The following PKIB variants were observed in gnomAD, a reference collection of about 807,000 sequenced individuals.
The protein encoded by PKIB is PKI-beta.
A neutral mutation model predicts 4.5 loss-of-function variants in PKIB; 2 were observed. The ratio of observed to expected loss-of-function variants is 0.44; its 90% confidence interval spans 0.18 to 1.39. The LOEUF (loss-of-function observed/expected upper bound fraction) is 1.39, where lower values mean the gene tolerates loss of function less well. Among genes scored for constraint, PKIB ranks in the 40% most tolerant of loss-of-function variants. The probability of loss-of-function intolerance (pLI) is 0.27; values close to 1 mark genes in which losing one functional copy is unlikely to be tolerated. For synonymous variants in PKIB, 38 were observed against 36.0 expected (o/e 1.06, Z -0.20); for missense variants, 94 against 92.6 (o/e 1.02, Z -0.06).
chr6:122,600,681 A>G (rs1055808354), intron 3 of PKIB, among the ~76,000 whole-genome samples: 1 of 152,244 alleles, frequency 6.6e-6, no homozygotes, highest in African/African-American at 2.4e-5. Context: ...TTCAGGTAAC[A>G]TAACTATGAC....
intron 2 of PKIB, among the ~76,000 whole-genome samples, chr6:122,520,396 G>C (rs772803225): frequency 1.8e-4 from 28 of 152,270 alleles, no homozygotes; most frequent in Admixed American, 1.3e-3. Flanking sequence ...CTGATGATCT[G>C]ACTTGATAAA....
chr6:122,560,102 G>T (rs1772970615), intron 2 of PKIB, among the ~76,000 whole-genome samples: 1 of 152,092 alleles, frequency 6.6e-6, no homozygotes, highest in African/African-American at 2.4e-5. Flanking sequence ...GCGAGACTGG[G>T]CATCCTTGTC....
chr6:122,661,090 C>T (rs959529771), intron 2 of PKIB, among the ~76,000 whole-genome samples: 1 of 152,046 alleles, frequency 6.6e-6, no homozygotes. Context: ...CAAAATGCTA[C>T]AAGAATAAAT....
chr6:122,566,484 A>C (rs1387672466), intron 2 of PKIB, among the ~76,000 whole-genome samples: 4 of 152,172 alleles, frequency 2.6e-5, no homozygotes, highest in Admixed American at 6.5e-5. Context: ...AATATTTTTG[A>C]ATGATCTTTA....
At chr6:122,621,518 G>A (rs1004717348) in intron 1 of PKIB, among the ~76,000 whole-genome samples, 4 of 152,118 alleles carry the variant, frequency 2.6e-5, no homozygotes, top group African/African-American at 9.7e-5. Context: ...TCTAATATCA[G>A]GAATGGTTTC....
At chr6:122,566,033 A>G (rs1387678656) in intron 2 of PKIB, among the ~76,000 whole-genome samples, 1 of 149,944 alleles carries the variant, frequency 6.7e-6, no homozygotes, top group Non-Finnish European at 1.5e-5. Flanking sequence ...ACAGTTTACT[A>G]CCCCCAATGG....
At chr6:122,652,334 G>GTGTGTGTGT (rs1264393970) in intron 2 of PKIB, among the ~76,000 whole-genome samples, 2 of 57,644 alleles carry the variant, frequency 3.5e-5, no homozygotes, top group South Asian at 1.2e-3. Flanking sequence ...GTGTGTGTGT[G>GTGTGTGTGT]GAGAGAGAGA....
intron 2 of PKIB, among the ~76,000 whole-genome samples, chr6:122,564,574 A>G (rs1194030846): frequency 6.6e-6 from 1 of 152,162 alleles, no homozygotes; most frequent in Admixed American, 6.5e-5. Flanking sequence ...AATTTAATAA[A>G]ATTTTCACAC....
chr6:122,703,922 G>GTATATATA (rs151131565), intron 3 of PKIB, among the ~76,000 whole-genome samples: 8 of 133,474 alleles, frequency 6.0e-5, no homozygotes, highest in East Asian at 2.2e-4. Context: ...ATATATGTGT[G>GTATATATA]TATATATATA....
chr6:122,507,028 AT>A (rs1776430559), intron 2 of PKIB, among the ~76,000 whole-genome samples: 1 of 151,960 alleles, frequency 6.6e-6, no homozygotes, highest in South Asian at 2.1e-4. Context: ...ATATTTTTAA[AT>A]TTTTTCACCA....
intron 3 of PKIB, among the ~76,000 whole-genome samples, chr6:122,690,617 T>A (rs983017533): frequency 1.3e-5 from 2 of 152,162 alleles, no homozygotes; most frequent in African/African-American, 4.8e-5. Flanking sequence ...TGTCTATGTC[T>A]TGAAAGGTTG....
rs546164394 is a variant in PKIB, at chr6:122,633,351, G to C, written c.-92G>C. On this transcript the variant is annotated 5_prime_UTR_variant, in exon 2 of 5. Transcript: ENST00000368452. ...GGAGAAGCAGAAAACCCTGTGCCAGGGACAGGAAAGATAGGAGTAAGTATA... is the reference window on the plus strand; with the variant it reads ...GGAGAAGCAGAAAACCCTGTGCCAGCGACAGGAAAGATAGGAGTAAGTATA... 6.6e-6 allele frequency: 1 copy of C among 152,058 alleles called. No individual in the cohort carries two copies. Among genetic ancestry groups the C allele is most frequent in the Non-Finnish European group, 1.5e-5 (1 of 68,006 alleles). The allele number at this position is 152,058 out of a possible 1,614,324, so 9.4% of individuals were successfully genotyped here. A position where few individuals can be genotyped will look rare whatever the true frequency, so the allele number is the denominator to read the frequency against.
chr6:122,547,056 A>G (rs1772518189), intron 2 of PKIB, among the ~76,000 whole-genome samples: 1 of 152,138 alleles, frequency 6.6e-6, no homozygotes, highest in Non-Finnish European at 1.5e-5. Flanking sequence ...TCAAGTTTAT[A>G]TAATGGATCT....
chr6:122,553,478 CTTCTTTTT>C lies in PKIB; in HGVS notation c.-247-32440_-247-32433del, dbSNP rs1174540206. Among the ~76,000 whole-genome samples, 4 of 48,918 alleles carry C rather than the reference CTTCTTTTT, an allele frequency of 8.2e-5. No homozygotes were observed. In the East Asian group the frequency reaches 1.5e-3, roughly 18 times the overall value. The allele number at this position is 48,918 out of a possible 152,430, so 32.1% of individuals were successfully genotyped here. On this transcript the variant is annotated intron_variant, in intron 2 of 6. Transcript: ENST00000392491. ...TCATCTCTCAAGATTGCTCAAATATCTTCTTTTTTTTTTTTTTTTTTTTTTCTGAAAAA... is the reference window on the plus strand; with the variant it reads ...TCATCTCTCAAGATTGCTCAAATATCTTTTTTTTTTTTTTTTTCTGAAAAA...
At chr6:122,565,062 T>C (rs1049078440) in intron 2 of PKIB, among the ~76,000 whole-genome samples, 3 of 152,198 alleles carry the variant, frequency 2.0e-5, no homozygotes, top group Admixed American at 1.3e-4. Flanking sequence ...TTTTAACTTT[T>C]AGCTTAATGG....
intron 4 of PKIB, among the ~76,000 whole-genome samples, chr6:122,722,926 A>T (rs1779800458): frequency 6.6e-6 from 1 of 152,144 alleles, no homozygotes; most frequent in Non-Finnish European, 1.5e-5. Context: ...ATCACAAATG[A>T]CATCATTTCT....
At chr6:122,560,821 A>G (rs916342620) in intron 2 of PKIB, among the ~76,000 whole-genome samples, 1 of 151,962 alleles carries the variant, frequency 6.6e-6, no homozygotes, top group African/African-American at 2.4e-5. Context: ...TTTCTAGTTT[A>G]TGTTCATAAA....
intron 2 of PKIB, chr6:122,482,696 A>G (rs1775658287): frequency 6.6e-6 from 1 of 151,960 alleles, no homozygotes; most frequent in South Asian, 2.1e-4. Flanking sequence ...GATTATAGGC[A>G]TGCGCCACCA....
In PKIB at chr6:122,625,550, A is replaced by G. The variant is rs138983107; in HGVS notation, c.-160-7733A>G. On this transcript the variant is annotated intron_variant, in intron 1 of 4. Coordinates refer to ENST00000368452, the MANE Select transcript of PKIB (RefSeq NM_181795.3). ...GACTTTGGTAAACCAAGTCAGGAGAATCGATTGAACCTGAGAGGCGGAGGT... is the reference window on the plus strand; with the variant it reads ...GACTTTGGTAAACCAAGTCAGGAGAGTCGATTGAACCTGAGAGGCGGAGGT... Among the ~76,000 whole-genome samples the G allele has an allele frequency of 3.5e-4, 53 of 152,284 alleles. No homozygotes were observed. The East Asian group carries it at 0.01, about 29-fold the overall frequency.
Sources: allele counts gnomAD v4.1 joint callset (sites outside exome capture counted in the v4.1 genomes callset), GRCh38; gene constraint gnomAD v4.1.1; transcripts MANE v1.5; gene names NCBI Gene and HGNC (gene_info 2026-07-23, HGNC 2026-07-21).